Variants in RBFOX3 observed in about 807,000 individuals in gnomAD.
RBFOX3 encodes the protein RNA binding fox-1 homolog 3.
In RBFOX3, 17 loss-of-function variants were observed where a neutral mutation model predicts 48.7. The ratio of observed to expected loss-of-function variants is 0.35; its 90% CI spans 0.24 to 0.52. The LOEUF is 0.52. Among genes scored for constraint, RBFOX3 ranks in the 20% least tolerant of loss-of-function variants. The pLI, the probability that RBFOX3 is intolerant of heterozygous loss-of-function variation, is 0.94. For missense variants in RBFOX3, 382 were observed against 497.5 expected (o/e 0.77, Z 2.21); for synonymous variants, 212 against 209.5 (o/e 1.01, Z -0.10).
chr17:79,273,611 G>T (rs993225334), intron 3 of RBFOX3, among the ~76,000 whole-genome samples: 2 of 152,032 alleles, frequency 1.3e-5, no homozygotes, highest in African/African-American at 4.8e-5. Context: ...GGCTAGTCCT[G>T]GGGGGCAGCG....
At chr17:79,579,565 G>C (rs2092977893) in intron 1 of RBFOX3, among the ~76,000 whole-genome samples, 1 of 152,118 alleles carries the variant, frequency 6.6e-6, no homozygotes, top group Non-Finnish European at 1.5e-5. Context: ...ACGCGCGAGT[G>C]ATGAAGGAGA....
chr17:79,215,723 C>G (rs181845696), intron 4 of RBFOX3, among the ~76,000 whole-genome samples: 1 of 152,254 alleles, frequency 6.6e-6, no homozygotes, highest in South Asian at 2.1e-4. Flanking sequence ...AGGAGCGTAT[C>G]CCCCAGGCTT....
intron 3 of RBFOX3, among the ~76,000 whole-genome samples, chr17:79,248,583 G>A (rs2063496268): frequency 6.6e-6 from 1 of 152,198 alleles, no homozygotes; most frequent in Non-Finnish European, 1.5e-5. Flanking sequence ...GGGAGGTAAC[G>A]ATTTTTGAAA....
chr17:79,349,048 C>T (rs1399170442), intron 2 of RBFOX3, among the ~76,000 whole-genome samples: 1 of 152,090 alleles, frequency 6.6e-6, no homozygotes, highest in Non-Finnish European at 1.5e-5. Context: ...TCCCTCTTCC[C>T]ACAAATTCAA....
At position 79,254,815 on chromosome 17, in the gene RBFOX3, G is replaced by A. The variant is rs2064513069; in HGVS notation, c.-73-19010C>T. ...GAGAGGGGTCCCAGAATGTCTGGAA[G>A]TGCTGGATGGCCCAGGTTATGGCCA... On this transcript the variant is annotated intron_variant, in intron 3 of 14. Transcript: ENST00000693108. This position sits in a 1 kb window ranked among gnomAD's most constrained non-coding sequence, Gnocchi z 4.8. Among the ~76,000 whole-genome samples, 1 of 152,208 alleles carries A rather than the reference G, an allele frequency of 6.6e-6. No homozygotes were observed. Among genetic ancestry groups the A allele is most frequent in the Non-Finnish European group, 1.5e-5 (1 of 68,038 alleles).
chr17:79,167,429 C>T (rs993572713), intron 4 of RBFOX3, among the ~76,000 whole-genome samples: 9 of 152,204 alleles, frequency 5.9e-5, no homozygotes, highest in African/African-American at 1.4e-4. Context: ...TCCAAGGAGG[C>T]CCTGGCTGAT....
At position 79,261,367 on chromosome 17, in the gene RBFOX3, C is replaced by A. The variant is rs9675237; in HGVS notation, c.-73-25562G>T. On this transcript the variant is annotated intron_variant, in intron 3 of 14. Transcript: ENST00000693108. ...GAAGCCACATGCACAGGGTCTCTTT[C>A]TTTTTCCTTTCCTTTTTCTCTCCCA... is the stretch of plus-strand genomic sequence containing the variant. Among the ~76,000 whole-genome samples, 1,122 of 152,326 alleles carry A rather than the reference C, an allele frequency of 7.4e-3. 10 individuals carry two copies. The highest frequency in any genetic ancestry group is 0.022 in the African/African-American group (911 of 41,578).
intron 2 of RBFOX3, among the ~76,000 whole-genome samples, chr17:79,331,126 A>C (rs1055010159): frequency 6.6e-6 from 1 of 152,326 alleles, no homozygotes; most frequent in East Asian, 1.9e-4. Flanking sequence ...CAACATGGGC[A>C]AAAAGCAAAA....
rs1167344889 is a variant in RBFOX3 at position 79,178,269 on chromosome 17, G to C, written c.-34+57497C>G. 2.0e-5 allele frequency among the ~76,000 whole-genome samples: 3 copies of C among 152,306 alleles called. No homozygotes were observed. In the East Asian group the frequency reaches 5.8e-4, roughly 29 times the overall value. The stretch of plus-strand genomic sequence containing the variant: ...ACCCTTCCGCTTTTCTGAACCCAAA[G>C]GAATCTCCTAAACTTCGCTGGGTGT... On this transcript the variant is annotated intron_variant, in intron 4 of 14. Coordinates refer to ENST00000693108, the MANE Select transcript of RBFOX3 (RefSeq NM_001350451.2).
chr17:79,383,640 T>C (rs138154189), intron 2 of RBFOX3, among the ~76,000 whole-genome samples: 225 of 152,272 alleles, frequency 1.5e-3, no homozygotes, highest in African/African-American at 5.1e-3. Flanking sequence ...GAGGGGTTCC[T>C]AGGGACTTTC....
intron 1 of RBFOX3, among the ~76,000 whole-genome samples, chr17:79,552,559 C>T (rs1189031433): frequency 6.6e-6 from 1 of 152,132 alleles, no homozygotes; most frequent in Admixed American, 6.6e-5. Flanking sequence ...ACTGTTGTAT[C>T]ACCAGGGCCT....
chr17:79,644,724 A>C, the RBFOX3 span, among the ~76,000 whole-genome samples: 1 of 152,258 alleles, frequency 6.6e-6, no homozygotes, highest in Non-Finnish European at 1.5e-5. Context: ...CTCAGGAAGA[A>C]ATTAAAAGCA....
At chr17:79,162,677 G>T (rs1200368037) in intron 4 of RBFOX3, among the ~76,000 whole-genome samples, 1 of 152,006 alleles carries the variant, frequency 6.6e-6, no homozygotes, top group African/African-American at 2.4e-5. Context: ...TTGACCCCTC[G>T]ATCTCCTAAG....
chr17:79,190,707 A>G (rs1015601920), intron 4 of RBFOX3, among the ~76,000 whole-genome samples: 2 of 152,152 alleles, frequency 1.3e-5, no homozygotes, highest in Non-Finnish European at 2.9e-5. Flanking sequence ...ATTTTATTCA[A>G]AGGGTGAAGG....
chr17:79,194,471 G>A (rs1038887505), intron 4 of RBFOX3, among the ~76,000 whole-genome samples: 1 of 152,080 alleles, frequency 6.6e-6, no homozygotes, highest in Non-Finnish European at 1.5e-5. Flanking sequence ...GCCAGGCATG[G>A]TGGGCATGCC....
At chr17:79,234,297 G>A (rs1283809690) in intron 4 of RBFOX3, 1 of 152,288 alleles carries the variant, frequency 6.6e-6, no homozygotes, top group Non-Finnish European at 1.5e-5. Context: ...GTGGCTCCGA[G>A]GTGACCTGCT....
At chr17:79,489,012 C>CTTTTG (rs369821886) in intron 1 of RBFOX3, among the ~76,000 whole-genome samples, 58 of 152,236 alleles carry the variant, frequency 3.8e-4, no homozygotes, top group Middle Eastern at 3.4e-3. Context: ...TTTTGCTTAT[C>CTTTTG]TTTTGTTTTG....
chr17:79,406,964 A>G (rs1287189429), intron 2 of RBFOX3, among the ~76,000 whole-genome samples: 1 of 152,156 alleles, frequency 6.6e-6, no homozygotes, highest in Non-Finnish European at 1.5e-5. Flanking sequence ...GAGAGAGGTG[A>G]GCTGCAGATC....
intron 1 of RBFOX3, chr17:79,603,716 C>G (rs943081445): frequency 0.042 from 6,371 of 152,398 alleles, 429 homozygotes; most frequent in African/African-American, 0.15. Context: ...GCAACATGCT[C>G]GTTCCTCTAC....
Sources: gnomAD v4.1 joint callset for allele counts (sites outside exome capture counted in the v4.1 genomes callset) on GRCh38, gnomAD v4.1.1 for gene constraint, Gnocchi (gnomAD v3.1) non-coding constraint, MANE v1.5 for transcripts, NCBI Gene and HGNC (gene_info 2026-07-23, HGNC 2026-07-21) for gene names.